PRKN: variants seen among roughly 807,000 people sequenced by gnomAD.
PRKN encodes the protein E3 ubiquitin-protein ligase parkin.
PRKN carries 56 observed loss-of-function variants against 59.5 expected under a neutral mutation model. The ratio of observed to expected loss-of-function variants is 0.94; its 90% CI spans 0.76 to 1.18. The LOEUF is 1.18. Ranked by LOEUF, PRKN falls within the 50% of genes most tolerant of loss-of-function variation. PRKN has a pLI of 0.00. For synonymous variants in PRKN, 250 were observed against 222.1 expected (o/e 1.13, Z -1.12); for missense variants, 657 against 596.4 (o/e 1.10, Z -1.06).
intron 6 of PRKN, among the ~76,000 whole-genome samples, chr6:161,859,942 T>C (rs1305428866): frequency 6.6e-6 from 1 of 152,238 alleles, no homozygotes; most frequent in Non-Finnish European, 1.5e-5. Flanking sequence ...CTTAAAATAT[T>C]CTACAGTAGA....
chr6:162,170,128 TA>T (rs1308193486), intron 4 of PRKN, among the ~76,000 whole-genome samples: 1 of 152,226 alleles, frequency 6.6e-6, no homozygotes, highest in Non-Finnish European at 1.5e-5. Flanking sequence ...ATCTACCAGA[TA>T]TTTTGTTTCC....
At chr6:162,595,602 GT>G (rs892806511) in intron 1 of PRKN, among the ~76,000 whole-genome samples, 5 of 150,836 alleles carry the variant, frequency 3.3e-5, no homozygotes, top group African/African-American at 7.3e-5. Flanking sequence ...TACAGTTATT[GT>G]TTTTTTTTAA....
At chr6:162,274,275 C>A (rs1306694250) in intron 2 of PRKN, among the ~76,000 whole-genome samples, 1 of 152,034 alleles carries the variant, frequency 6.6e-6, no homozygotes, top group African/African-American at 2.4e-5. Flanking sequence ...GCAGTCTCGG[C>A]TTCCAGGGCT....
chr6:162,098,790 T>C (rs2128298421), intron 4 of PRKN, among the ~76,000 whole-genome samples: 1 of 152,330 alleles, frequency 6.6e-6, no homozygotes, highest in East Asian at 1.9e-4. Flanking sequence ...CCAGTACTCA[T>C]TCCTCAGTAC....
At chr6:162,154,230 T>C (rs1357468911) in intron 4 of PRKN, among the ~76,000 whole-genome samples, 1 of 152,168 alleles carries the variant, frequency 6.6e-6, no homozygotes, top group Admixed American at 6.5e-5. Flanking sequence ...TCCTGTCTGA[T>C]TTCCCCTCTG....
intron 2 of PRKN, among the ~76,000 whole-genome samples, chr6:162,334,738 C>G (rs1783755688): frequency 6.6e-6 from 1 of 152,118 alleles, no homozygotes; most frequent in African/African-American, 2.4e-5. Context: ...TCTTATGGAG[C>G]TTGGCAAAGA....
At chr6:161,496,862 C>T (rs1777770175) in intron 9 of PRKN, among the ~76,000 whole-genome samples, 1 of 152,186 alleles carries the variant, frequency 6.6e-6, no homozygotes, top group African/African-American at 2.4e-5. Context: ...GGATTGCTGG[C>T]AAACACCAGA....
At chr6:162,702,015 C>T (rs1034071939) in intron 1 of PRKN, among the ~76,000 whole-genome samples, 7 of 151,870 alleles carry the variant, frequency 4.6e-5, no homozygotes, top group Admixed American at 3.3e-4. Context: ...AATCAAAATA[C>T]AAAAAACAAT....
chr6:162,493,125 C>T (rs907486706), intron 1 of PRKN, among the ~76,000 whole-genome samples: 7 of 152,082 alleles, frequency 4.6e-5, no homozygotes, highest in African/African-American at 9.7e-5. Context: ...TTCCCTTGTT[C>T]GGCCAGCAGG....
chr6:161,923,783 A>G (rs1778867205), intron 6 of PRKN, among the ~76,000 whole-genome samples: 1 of 152,174 alleles, frequency 6.6e-6, no homozygotes, highest in African/African-American at 2.4e-5. Context: ...CTGCAGTACA[A>G]TCACGAAGTT....
chr6:161,471,531 T>C lies in PRKN; in HGVS notation c.1083+77323A>G, dbSNP rs1790789632. ...GAAATATGGATTGGGTAATGAAGAATGTATCCTCTTAGGCACTTTCATTAA... is the reference window on the plus strand; with the variant it reads ...GAAATATGGATTGGGTAATGAAGAACGTATCCTCTTAGGCACTTTCATTAA... On this transcript the variant is annotated intron_variant, in intron 9 of 11. Transcript: ENST00000366898. The surrounding 1 kb of genome is among the most constrained non-coding windows in gnomAD (Gnocchi z 4.5). 6.6e-6 allele frequency among the ~76,000 whole-genome samples: 1 copy of C among 152,198 alleles called. No homozygotes were observed. The highest frequency in any genetic ancestry group is 2.4e-5 in the African/African-American group (1 of 41,442).
chr6:161,847,439 C>T (rs1292068562), intron 6 of PRKN, among the ~76,000 whole-genome samples: 1 of 152,150 alleles, frequency 6.6e-6, no homozygotes, highest in African/African-American at 2.4e-5. Flanking sequence ...TGCCCAAGGG[C>T]AGAGAAGGTT....
intron 2 of PRKN, among the ~76,000 whole-genome samples, chr6:162,335,307 G>T (rs969637212): frequency 6.6e-6 from 1 of 152,066 alleles, no homozygotes; most frequent in Non-Finnish European, 1.5e-5. Flanking sequence ...CTCCCAAAGT[G>T]CTGGGACTAC....
At chr6:162,304,767 C>T (rs1423081295) in intron 2 of PRKN, among the ~76,000 whole-genome samples, 1 of 147,382 alleles carries the variant, frequency 6.8e-6, no homozygotes, top group Non-Finnish European at 1.5e-5. Context: ...GTCCTGGGGA[C>T]CTGGAGGCCC....
intron 9 of PRKN, among the ~76,000 whole-genome samples, chr6:161,481,054 C>A (rs936046553): frequency 6.6e-6 from 1 of 152,258 alleles, no homozygotes; most frequent in Non-Finnish European, 1.5e-5. Context: ...CTGCCCCTGA[C>A]TTCAGATGCC....
chr6:161,858,758 G>C (rs1456946745), intron 6 of PRKN, among the ~76,000 whole-genome samples: 1 of 151,914 alleles, frequency 6.6e-6, no homozygotes, highest in Non-Finnish European at 1.5e-5. Context: ...TTCTCTTAGG[G>C]ACCATGGCAG....
At position 161,696,417 on chromosome 6, in the gene PRKN, G is replaced by A. The variant is rs182389130; in HGVS notation, c.871+89355C>T. 1.7e-3 allele frequency among the ~76,000 whole-genome samples: 262 copies of A among 152,346 alleles called. 1 individual carries two copies. The highest frequency in any genetic ancestry group is 6.2e-3 in the African/African-American group (257 of 41,580). On this transcript the variant is annotated intron_variant, in intron 7 of 11. Coordinates refer to ENST00000366898, the MANE Select transcript of PRKN (RefSeq NM_004562.3). ...TAATTTACTTAAATGCCCCACTACA[G>A]TGTAAAAGTAGACTAGACCATTCAC...
intron 2 of PRKN, among the ~76,000 whole-genome samples, chr6:162,410,391 GA>G (rs1220023149): frequency 6.6e-6 from 1 of 152,130 alleles, no homozygotes; most frequent in African/African-American, 2.4e-5. Flanking sequence ...ATGTGCCACT[GA>G]AAAACAGCTA....
chr6:161,679,685 T>C (rs9365318), intron 7 of PRKN, among the ~76,000 whole-genome samples: 628 of 63,768 alleles, frequency 9.8e-3, no homozygotes, highest in East Asian at 0.021. Flanking sequence ...CCCCCCCCCC[T>C]TTTTTTTTTT....
Sources: allele counts gnomAD v4.1 joint callset (sites outside exome capture counted in the v4.1 genomes callset), GRCh38; gene constraint gnomAD v4.1.1; non-coding constraint Gnocchi (gnomAD v3.1); transcripts MANE v1.5; gene names NCBI Gene and HGNC (gene_info 2026-07-23, HGNC 2026-07-21).